The following ZNF385D variants were observed in gnomAD, a reference collection of about 807,000 sequenced individuals.
ZNF385D encodes zinc finger protein 659.
ZNF385D carries 15 observed loss-of-function variants against 35.8 expected under a neutral mutation model. The observed-to-expected ratio is 0.42, with a 90% CI of 0.28 to 0.64. The LOEUF is 0.64. Ranked by LOEUF, ZNF385D falls within the 30% of genes least tolerant of loss-of-function variation. The pLI is 0.23. For missense variants in ZNF385D, 474 were observed against 494.6 expected (o/e 0.96, Z 0.39); for synonymous variants, 212 against 186.8 (o/e 1.13, Z -1.10).
At chr3:21,751,361 G>C, upstream of ZNF385D, 24 of 1,041,398 alleles carry the variant, frequency 2.3e-5, no homozygotes, top group Non-Finnish European at 2.8e-5. Flanking sequence ...CGGAGTGAGG[G>C]GCGCGGGAGG....
chr3:21,505,194 T>G (rs574343458), intron 4 of ZNF385D, among the ~76,000 whole-genome samples: 2 of 152,232 alleles, frequency 1.3e-5, no homozygotes, highest in South Asian at 4.1e-4. Context: ...GTTTGTTTGT[T>G]TTTTGAATCT....
intron 2 of ZNF385D, among the ~76,000 whole-genome samples, chr3:22,170,178 C>T (rs1694313219): frequency 1.3e-5 from 2 of 152,080 alleles, no homozygotes; most frequent in Admixed American, 1.3e-4. Context: ...CAGAGAAAAA[C>T]AGTCATGATT....
intron 3 of ZNF385D, among the ~76,000 whole-genome samples, chr3:21,995,222 AGG>A (rs1695385685): frequency 6.6e-6 from 1 of 152,196 alleles, no homozygotes; most frequent in African/African-American, 2.4e-5. Flanking sequence ...CATATGTGGT[AGG>A]GGCCAATGGT....
intron 2 of ZNF385D, among the ~76,000 whole-genome samples, chr3:22,355,884 TA>T (rs1696126431): frequency 6.6e-6 from 1 of 151,936 alleles, no homozygotes; most frequent in African/African-American, 2.4e-5. Flanking sequence ...TTTCAGGTCA[TA>T]AAAATATAGA....
intron 1 of ZNF385D, among the ~76,000 whole-genome samples, chr3:21,735,620 C>T (rs568509197): frequency 2.6e-5 from 4 of 152,128 alleles, no homozygotes; most frequent in South Asian, 4.2e-4. Context: ...TAAATTAGGA[C>T]GCTAGACTGA....
intron 2 of ZNF385D, among the ~76,000 whole-genome samples, chr3:22,272,410 C>A (rs1701223770): frequency 6.6e-6 from 1 of 151,960 alleles, no homozygotes; most frequent in Non-Finnish European, 1.5e-5. Context: ...CCTTCACCAT[C>A]TAGGACATTA....
At chr3:21,880,833 T>A (rs1394465473) in intron 3 of ZNF385D, among the ~76,000 whole-genome samples, 1 of 151,748 alleles carries the variant, frequency 6.6e-6, no homozygotes, top group Non-Finnish European at 1.5e-5. Flanking sequence ...AGCAAACACA[T>A]GAATTATAAG....
chr3:22,214,228 A>T (rs975471698), intron 2 of ZNF385D, among the ~76,000 whole-genome samples: 1 of 152,112 alleles, frequency 6.6e-6, no homozygotes, highest in Admixed American at 6.6e-5. Context: ...ATGGACACTT[A>T]TCACTTCCTT....
chr3:22,095,448 G>T (rs574074334), intron 3 of ZNF385D, among the ~76,000 whole-genome samples: 1 of 151,620 alleles, frequency 6.6e-6, no homozygotes, highest in Non-Finnish European at 1.5e-5. Flanking sequence ...TATCTACCTA[G>T]TTTTATTCTG....
intron 2 of ZNF385D, among the ~76,000 whole-genome samples, chr3:22,238,852 C>T (rs1420145700): frequency 6.6e-6 from 1 of 150,824 alleles, no homozygotes; most frequent in African/African-American, 2.5e-5. Context: ...TCTGCCTCAG[C>T]CTCTGGAGTA....
At chr3:21,473,307 C>T (rs1704021050) in intron 4 of ZNF385D, among the ~76,000 whole-genome samples, 1 of 148,904 alleles carries the variant, frequency 6.7e-6, no homozygotes. Flanking sequence ...GAGCTAAAAA[C>T]TCTGTTTCCC....
At chr3:21,704,576 T>C (rs1445203990) in intron 1 of ZNF385D, among the ~76,000 whole-genome samples, 1 of 151,706 alleles carries the variant, frequency 6.6e-6, no homozygotes, top group Non-Finnish European at 1.5e-5. Flanking sequence ...TGGTGTGATC[T>C]CGGCTCACTG....
chr3:21,746,208 A>C (rs1204133976), intron 1 of ZNF385D, among the ~76,000 whole-genome samples: 4 of 152,204 alleles, frequency 2.6e-5, no homozygotes, highest in Admixed American at 2.6e-4. Flanking sequence ...TCATCCACGA[A>C]AGCGTAACTT....
intron 3 of ZNF385D, among the ~76,000 whole-genome samples, chr3:21,780,828 G>T (rs1045619962): frequency 1.3e-5 from 2 of 151,970 alleles, no homozygotes; most frequent in Non-Finnish European, 2.9e-5. Context: ...AACAACAAAA[G>T]CAAGGATTTT....
intron 1 of ZNF385D, among the ~76,000 whole-genome samples, chr3:21,747,134 T>C (rs2069814418): frequency 6.6e-6 from 1 of 152,208 alleles, no homozygotes; most frequent in East Asian, 1.9e-4. Flanking sequence ...CAAATGTTTT[T>C]CCTATTTTCC....
rs114109041 is a variant in ZNF385D, at chr3:22,302,822, G to A, written c.106+69628C>T. Among the ~76,000 whole-genome samples the A allele has an allele frequency of 4.2e-3, 641 of 151,848 alleles. 4 individuals carry two copies. Among genetic ancestry groups the A allele is most frequent in the African/African-American group, 0.015 (603 of 41,406 alleles). ...TTTCATTAAATTTATTCTTAGTTAC[G>A]TAAGATTTGTATTTTTATTTTAAAT... On this transcript the variant is annotated intron_variant, in intron 2 of 5. Coordinates refer to the ZNF385D transcript ENST00000494108.
At chr3:22,229,847 T>C (rs1486829385) in intron 2 of ZNF385D, among the ~76,000 whole-genome samples, 2 of 152,146 alleles carry the variant, frequency 1.3e-5, no homozygotes, top group Non-Finnish European at 2.9e-5. Flanking sequence ...TCCTCCCTTT[T>C]ACAGTCACCA....
intron 3 of ZNF385D, among the ~76,000 whole-genome samples, chr3:21,851,207 A>G (rs1043782705): frequency 6.6e-6 from 1 of 152,080 alleles, no homozygotes; most frequent in Admixed American, 6.6e-5. Flanking sequence ...TAAAAAATTC[A>G]CTAGATGGCC....
At chr3:22,159,791 T>A (rs1705829940) in intron 3 of ZNF385D, among the ~76,000 whole-genome samples, 1 of 152,150 alleles carries the variant, frequency 6.6e-6, no homozygotes, top group Non-Finnish European at 1.5e-5. Context: ...TTATTATATA[T>A]TTTTGAACAA....
Sources: allele counts gnomAD v4.1 joint callset (sites outside exome capture counted in the v4.1 genomes callset), GRCh38; gene constraint gnomAD v4.1.1; transcripts MANE v1.5; gene names NCBI Gene and HGNC (gene_info 2026-07-23, HGNC 2026-07-21).